FSD1L: variants seen among roughly 807,000 people sequenced by gnomAD.
FSD1L encodes FSD1-like protein.
A neutral mutation model predicts 71.6 loss-of-function variants in FSD1L; 45 were observed. The ratio of observed to expected loss-of-function variants is 0.63; its 90% CI spans 0.49 to 0.81. The LOEUF is 0.81. FSD1L is among the 30% of genes least tolerant of loss of function. The pLI, the probability that FSD1L is intolerant of heterozygous loss-of-function variation, is 0.00. For synonymous variants in FSD1L, 197 were observed against 207.2 expected (o/e 0.95, Z 0.42); for missense variants, 561 against 618.1 (o/e 0.91, Z 0.98).
chr9:105,512,725 A>G, intron 9 of FSD1L, 82 bp from the exon 10 acceptor site: 1 of 743,396 alleles, frequency 1.3e-6, no homozygotes, highest in Non-Finnish European at 2.0e-6. Context: ...ATTGAGTAGG[A>G]AAATAATGTG....
chr9:105,479,415 T>A lies in FSD1L; in HGVS notation c.464+39T>A, dbSNP rs756337225. The stretch of plus-strand genomic sequence containing the variant: ...CACATTTTTACTTAAGTATAAATAT[T>A]GAAGTCAGAAATGAAATTCAGAAAT... On this transcript the variant is annotated intron_variant, in intron 6 of 13. Coordinates refer to ENST00000481272, the MANE Select transcript of FSD1L (RefSeq NM_001145313.3). 54 of 1,472,576 alleles carry A rather than the reference T, an allele frequency of 3.7e-5. 2 individuals are homozygous for A. In the South Asian group the frequency reaches 3.7e-4, roughly 10 times the overall value. 91.2% of individuals were successfully genotyped at this position (1,472,576 alleles called of 1,614,324 possible).
At chr9:105,520,824 ACTC>A in intron 10 of FSD1L, 1 of 1,612,060 alleles carries the variant, frequency 6.2e-7, no homozygotes, top group East Asian at 2.2e-5. Context: ...AGAAGAAATC[ACTC>A]CTCTTGTCCC....
At chr9:105,489,591 G>T (rs574366026) in intron 7 of FSD1L, among the ~76,000 whole-genome samples, 1 of 151,960 alleles carries the variant, frequency 6.6e-6, no homozygotes, top group Admixed American at 6.6e-5. Flanking sequence ...TGCCATGCTG[G>T]TGTGCTGCAC....
intron 12 of FSD1L, among the ~76,000 whole-genome samples, chr9:105,539,015 A>G (rs183461373): frequency 6.6e-6 from 1 of 152,304 alleles, no homozygotes; most frequent in African/African-American, 2.4e-5. Flanking sequence ...TTTGTATTAA[A>G]TAAGTCGAAT....
At chr9:105,492,937 G>A (rs1027500937) in intron 7 of FSD1L, among the ~76,000 whole-genome samples, 9 of 152,066 alleles carry the variant, frequency 5.9e-5, no homozygotes, top group African/African-American at 2.2e-4. Context: ...GTCAATTTTG[G>A]AATAGGTGTG....
intron 13 of FSD1L, among the ~76,000 whole-genome samples, chr9:105,541,451 A>G (rs1320369080): frequency 6.6e-6 from 1 of 152,020 alleles, no homozygotes; most frequent in East Asian, 1.9e-4. Context: ...TTTACTTTTA[A>G]TTTGAATCTA....
chr9:105,530,023 G>A (rs1435471120), intron 10 of FSD1L, among the ~76,000 whole-genome samples: 5 of 152,210 alleles, frequency 3.3e-5, no homozygotes, highest in African/African-American at 1.2e-4. Context: ...TAGCTATATA[G>A]TGCTCTCTAG....
intron 10 of FSD1L, chr9:105,513,722 C>T: frequency 1.0e-6 from 1 of 987,636 alleles, no homozygotes; most frequent in Non-Finnish European, 1.5e-6. Flanking sequence ...AACCAATAAG[C>T]AGAAGCCATT....
Position 105,482,884 on chromosome 9 carries a change from A to G in FSD1L, c.465-1497A>G, listed in dbSNP as rs536152100. The stretch of plus-strand genomic sequence containing the variant: ...TTTTTCTCAACATTTCTCAGTAAAC[A>G]TTTAAATATCTAGTCAGGTTTTGAA... On this transcript the variant is annotated intron_variant, in intron 6 of 13. Coordinates refer to ENST00000481272, the MANE Select transcript of FSD1L (RefSeq NM_001145313.3). Among the ~76,000 whole-genome samples the G allele has an allele frequency of 1.4e-4, 22 of 152,312 alleles. No individual in the cohort carries two copies. The South Asian group carries it at 4.3e-3, about 30-fold the overall frequency.
chr9:105,520,001 C>T, intron 10 of FSD1L: 5 of 1,417,504 alleles, frequency 3.5e-6, no homozygotes, highest in East Asian at 2.5e-5. Context: ...CGGCTCTGCC[C>T]TGGCCCGCAA....
chr9:105,528,380 C>A (rs1396408146), intron 10 of FSD1L, among the ~76,000 whole-genome samples: 1 of 152,176 alleles, frequency 6.6e-6, no homozygotes, highest in Non-Finnish European at 1.5e-5. Flanking sequence ...TGACTTCAAA[C>A]TATACTACAA....
rs116909302 is a variant in FSD1L at position 105,471,459 on chromosome 9, C to T, written c.340-445C>T. ...CAGTTTGTTAGATAAAATTGAATTG[C>T]GAGCATTCATCTTTAGAGCAGGAAC... On this transcript the variant is annotated intron_variant, in intron 4 of 13. Transcript: ENST00000481272. Among the ~76,000 whole-genome samples, 1,209 of 152,070 alleles carry T rather than the reference C, an allele frequency of 8.0e-3. 9 individuals are homozygous for T. The highest frequency in any genetic ancestry group is 0.02 in the Middle Eastern group (6 of 294).
intron 10 of FSD1L, among the ~76,000 whole-genome samples, chr9:105,533,414 A>ATTTTTTTTTTTTTTTTTTTT (rs1271918066): frequency 4.5e-4 from 6 of 13,360 alleles, no homozygotes; most frequent in African/African-American, 6.4e-4. Flanking sequence ...TGCCATTTCC[A>ATTTTTTTTTTTTTTTTTTTT]TCTTTTTTTT....
intron 7 of FSD1L, among the ~76,000 whole-genome samples, chr9:105,496,571 T>C (rs1833420731): frequency 6.6e-6 from 1 of 152,248 alleles, no homozygotes; most frequent in Non-Finnish European, 1.5e-5. Context: ...TTTCTTTCAT[T>C]AGAGTTTTGT....
chr9:105,471,912 T>C lies in FSD1L; in HGVS notation c.348T>C (p.Ile116=). 7.8e-7 allele frequency: 1 copy of C among 1,289,042 alleles called. No individual in the cohort carries two copies. Among genetic ancestry groups the C allele is most frequent in the Non-Finnish European group, 1.0e-6 (1 of 984,422 alleles). 79.9% of individuals were successfully genotyped at this position (1,289,042 alleles called of 1,614,324 possible). Residue 116 remains isoleucine (I), a synonymous_variant, in exon 5 of 14, where the codon ATT becomes ATC. Coordinates refer to ENST00000481272, the MANE Select transcript of FSD1L (RefSeq NM_001145313.3). ...TTTTTTTTTTTCCCTAGAGTCAGAT[T>C]AGTCAATGTAATAATGCCCTGGAGA... ...ARKSQELQSQ[I]SQCNNALENS...
intron 10 of FSD1L, chr9:105,524,025 A>C (rs112368773): frequency 6.2e-7 from 1 of 1,601,912 alleles, no homozygotes; most frequent in African/African-American, 1.3e-5. Context: ...TCATCCCAAC[A>C]TTCCTGATGT....
At chr9:105,474,635 T>C (rs995081082) in intron 5 of FSD1L, among the ~76,000 whole-genome samples, 10 of 152,216 alleles carry the variant, frequency 6.6e-5, no homozygotes, top group Non-Finnish European at 1.2e-4. Flanking sequence ...GAAAAAGAAA[T>C]TCATTTAAGG....
chr9:105,524,310 T>C, intron 10 of FSD1L: 5 of 1,613,402 alleles, frequency 3.1e-6, no homozygotes, highest in Non-Finnish European at 4.2e-6. Context: ...ACTTCAGATT[T>C]ACCAGCCTGA....
rs114441775 is a variant in FSD1L, at chr9:105,523,569, G to A, written c.1025+10633G>A. On this transcript the variant is annotated intron_variant, in intron 10 of 13. Transcript: ENST00000481272. ...TCTAGCTAAGATTAGAGATAACCTC[G>A]GCATTTCAGCTGATAACCTGACCTC... The A allele has an allele frequency of 1.7e-3, 2,752 of 1,611,822 alleles. 46 individuals are homozygous for A. The African/African-American group carries it at 0.033, about 19-fold the overall frequency.
Sources: gnomAD v4.1 joint callset for allele counts (sites outside exome capture counted in the v4.1 genomes callset) on GRCh38, gnomAD v4.1.1 for gene constraint, MANE v1.5 for transcripts, NCBI Gene and HGNC (gene_info 2026-07-23, HGNC 2026-07-21) for gene names.